Variants in BUD13 observed in about 807,000 individuals in gnomAD.
BUD13 encodes BUD13 spliceosome associated protein, also known as BUD13 homolog.
A neutral mutation model predicts 62.5 loss-of-function variants in BUD13; 47 were observed. The observed-to-expected ratio is 0.75, with a 90% CI of 0.60 to 0.96. The LOEUF is 0.96. Among genes scored for constraint, BUD13 ranks in the 40% least tolerant of loss-of-function variants. BUD13 has a pLI of 0.00. For missense variants in BUD13, 821 were observed against 790.9 expected, an observed-to-expected ratio of 1.04 and a Z score of -0.46; for synonymous variants, 293 against 280.1, an observed-to-expected ratio of 1.05 and a Z score of -0.46.
chr11:116,770,887 G>A (rs973875183), intron 1 of BUD13, among the ~76,000 whole-genome samples: 6 of 152,044 alleles, frequency 3.9e-5, no homozygotes, highest in South Asian at 2.1e-4. Context: ...TTGACTTCCC[G>A]GGGTTAAGTT....
intron 4 of BUD13, among the ~76,000 whole-genome samples, chr11:116,762,340 G>A (rs1015675068): frequency 6.6e-6 from 1 of 152,076 alleles, no homozygotes; most frequent in Non-Finnish European, 1.5e-5. Flanking sequence ...CAAATAAATT[G>A]TACTTTTATA....
At chr11:116,754,111 T>TCA (rs1171571854) in intron 9 of BUD13, among the ~76,000 whole-genome samples, 6 of 152,234 alleles carry the variant, frequency 3.9e-5, no homozygotes, top group Admixed American at 2.6e-4. Context: ...AGTGGTGCAA[T>TCA]CACAGCACAT....
At chr11:116,758,149 A>G in intron 7 of BUD13, 120 bp downstream of exon 7, 2 of 1,484,376 alleles carry the variant, frequency 1.3e-6, no homozygotes, top group Non-Finnish European at 1.8e-6. Flanking sequence ...CAGCACACCA[A>G]ATTTCCCATT....
chr11:116,760,801 TCTC>T lies in BUD13; in HGVS notation c.1185_1187del (p.Arg396del), dbSNP rs1446010192. 2 of 1,614,024 alleles carry T rather than the reference TCTC, an allele frequency of 1.2e-6. No homozygotes were observed. Among genetic ancestry groups the T allele is most frequent in the Non-Finnish European group, 1.7e-6 (2 of 1,180,024 alleles). On this transcript the variant is annotated inframe_deletion, in exon 5 of 10. Coordinates refer to ENST00000260210, the MANE Select transcript of BUD13 (RefSeq NM_032725.4). ...CAGAATCAGAAGATTTGGTCCTCTG[TCTC>T]CTCCTTGGTGGAGAGAGGTCAGAAT...
chr11:116,760,060 T>C (rs1940403779), intron 5 of BUD13, among the ~76,000 whole-genome samples: 1 of 152,208 alleles, frequency 6.6e-6, no homozygotes, highest in Admixed American at 6.5e-5. Context: ...TCAAGCCTTA[T>C]CATGAATTTA....
chr11:116,770,150 T>C lies in BUD13; in HGVS notation c.216A>G (p.Glu72=). 1 of 1,613,418 alleles carries C rather than the reference T, an allele frequency of 6.2e-7. No individual in the cohort carries two copies. Among genetic ancestry groups the C allele is most frequent in the Non-Finnish European group, 8.5e-7 (1 of 1,179,644 alleles). ...STTKLEKEEE[E]DDGDLPVVAE... ...ATACCACAGGCAAATCTCCATCATC[T>C]TCCTCTTCCTCCTTTTCTAGTTTGG... The change falls in exon 2 of 10, where the codon GAA becomes GAG. Residue 72 remains glutamate, a synonymous_variant. Transcript: ENST00000260210.
At chr11:116,763,408 CT>C in intron 3 of BUD13, 142 bp from the exon 4 acceptor site, 1 of 656,950 alleles carries the variant, frequency 1.5e-6, no homozygotes, top group Non-Finnish European at 2.4e-6. Flanking sequence ...AGTTTTCTTG[CT>C]TAGGGGCAGC....
At chr11:116,748,784 A>C (rs944386401) in intron 9 of BUD13, among the ~76,000 whole-genome samples, 97 of 152,230 alleles carry the variant, frequency 6.4e-4, no homozygotes, top group African/African-American at 2.2e-3. Context: ...TCAGGCATTC[A>C]AGACCAGCCT....
chr11:116,765,216 A>T (rs1266909176), intron 3 of BUD13, 146 bp downstream of exon 3: 1 of 752,728 alleles, frequency 1.3e-6, no homozygotes, highest in African/African-American at 1.8e-5. Context: ...CCTCTGAAGA[A>T]GTCCAACTTC....
chr11:116,771,967 T>G (rs1940638170), intron 1 of BUD13, among the ~76,000 whole-genome samples: 1 of 152,234 alleles, frequency 6.6e-6, no homozygotes, highest in Admixed American at 6.5e-5. Flanking sequence ...TCTCCCAGCT[T>G]CTGGTAGCCC....
At chr11:116,748,675 G>A in intron 9 of BUD13, 100 bp from the exon 10 acceptor site, 1 of 1,210,214 alleles carries the variant, frequency 8.3e-7, no homozygotes, top group East Asian at 2.4e-5. Flanking sequence ...AGGGGGGAAA[G>A]TAAGGAGTCA....
intron 9 of BUD13, among the ~76,000 whole-genome samples, chr11:116,756,343 T>C (rs1307605238): frequency 6.6e-6 from 1 of 152,074 alleles, no homozygotes; most frequent in African/African-American, 2.4e-5. Context: ...AAACTCCGTC[T>C]CTATTAAAGA....
chr11:116,748,624 T>C (rs1940180332), intron 9 of BUD13, 49 bp from the exon 10 acceptor site: 1 of 1,547,962 alleles, frequency 6.5e-7, no homozygotes. Flanking sequence ...GAAAGGGGCA[T>C]TTGTTTCAAA....
Position 116,762,874 on chromosome 11 carries a change from A to G in BUD13, c.715T>C (p.Ser239Pro). The change falls in exon 4 of 10, where the codon TCT becomes CCT. Residue 239 changes from serine to proline, a missense_variant. Physicochemically the swap from Ser to Pro is moderately conservative, Grantham distance 74. This residue lies in a region of BUD13 where 800 missense variants were observed against 739.2 expected (regional missense o/e 1.08). Transcript: ENST00000260210. ...TTGTTATGGACCCTTCTGGGGGAAG[A>G]GATATCTGAGGAACCATGACGGGCT... ...RRARHGSSDI[S>P]SPRRVHNNSP... is the part of the protein sequence containing the mutation. 5 of 1,613,882 alleles carry G rather than the reference A, an allele frequency of 3.1e-6. No individual in the cohort carries two copies. The highest frequency in any genetic ancestry group is 4.2e-6 in the Non-Finnish European group (5 of 1,179,976).
In BUD13 at chr11:116,759,079, A is replaced by T; in HGVS notation, c.1355T>A (p.Phe452Tyr). Residue 452 changes from phenylalanine (F) to tyrosine (Y), a missense_variant, in exon 6 of 10, where the codon TTT becomes TAT. By Grantham distance (22) the Phe-to-Tyr change is conservative. Coordinates refer to ENST00000260210, the MANE Select transcript of BUD13 (RefSeq NM_032725.4). ...LKEQDQETMA[F>Y]EAEFQYAETV... The stretch of plus-strand genomic sequence containing the variant: ...CTGCACTTTCATATTTTTACCTTCA[A>T]ATGCCATGGTTTCTTGATCCTGTTC... The T allele has an allele frequency of 6.2e-7, 1 of 1,613,358 alleles. No individual in the cohort carries two copies. The highest frequency in any genetic ancestry group is 8.5e-7 in the Non-Finnish European group (1 of 1,179,696).
At chr11:116,751,127 C>A (rs1489234809) in intron 9 of BUD13, among the ~76,000 whole-genome samples, 1 of 152,212 alleles carries the variant, frequency 6.6e-6, no homozygotes, top group Admixed American at 6.5e-5. Flanking sequence ...CCCAAAACAT[C>A]TTGAAAATCT....
intron 3 of BUD13, 109 bp downstream of exon 3, chr11:116,765,253 C>G: frequency 8.6e-7 from 1 of 1,162,734 alleles, no homozygotes; most frequent in Non-Finnish European, 1.2e-6. Flanking sequence ...TTTTCAGGAT[C>G]AATGACATGC....
chr11:116,750,587 A>G (rs952501175), intron 9 of BUD13, among the ~76,000 whole-genome samples: 4 of 152,012 alleles, frequency 2.6e-5, no homozygotes, highest in African/African-American at 7.3e-5. Flanking sequence ...CCCACTTCCT[A>G]TTCTCTTACT....
At chr11:116,768,081 T>C (rs1940563781) in intron 2 of BUD13, among the ~76,000 whole-genome samples, 1 of 151,880 alleles carries the variant, frequency 6.6e-6, no homozygotes. Flanking sequence ...GGAGTGTAAA[T>C]TGGTAGCACC....
Sources: gnomAD v4.1 joint callset for allele counts (sites outside exome capture counted in the v4.1 genomes callset) on GRCh38, gnomAD v4.1.1 for gene constraint, gnomAD v4.1.1 regional missense constraint, MANE v1.5 for transcripts, NCBI Gene and HGNC (gene_info 2026-07-23, HGNC 2026-07-21) for gene names.